C7: variants seen among roughly 807,000 people sequenced by gnomAD.
The protein encoded by C7 is complement component C7.
C7 carries 83 observed loss-of-function variants against 104.8 expected under a neutral mutation model. The ratio of observed to expected loss-of-function variants is 0.79; its 90% CI spans 0.66 to 0.95. C7 has a LOEUF of 0.95. Ranked by LOEUF, C7 falls within the 40% of genes least tolerant of loss-of-function variation. The pLI is 0.00. For synonymous variants in C7, 415 were observed against 360.6 expected (o/e 1.15, Z -1.71); for missense variants, 1,070 against 1,011.2 (o/e 1.06, Z -0.79).
Position 40,965,648 on chromosome 5 carries a change from A to ATATTTTT in C7, c.1882+776_1882+777insATTTTTT, listed in dbSNP as rs35802990. On this transcript the variant is annotated intron_variant, in intron 14 of 17. Transcript: ENST00000313164. ...TAGTGATATATATATATATATATAT[A>ATATTTTT]TTTTTTTTTTGGAGACAGAGTCTCA... Among the ~76,000 whole-genome samples the ATATTTTT allele has an allele frequency of 1.9e-3, 244 of 130,290 alleles. 1 individual carries two copies. Among genetic ancestry groups the ATATTTTT allele is most frequent in the East Asian group, 6.8e-3 (32 of 4,716 alleles). 85.5% of individuals were successfully genotyped at this position (130,290 alleles called of 152,430 possible).
intron 6 of C7, among the ~76,000 whole-genome samples, chr5:40,938,540 A>G (rs1468104086): frequency 2.0e-5 from 3 of 152,170 alleles, no homozygotes; most frequent in Admixed American, 2.0e-4. Flanking sequence ...TACACCTGGA[A>G]CTCAAATTGC....
rs1171414891 is a variant in C7 at position 40,982,188 on chromosome 5, GGCTGGA to G, written c.*618_*623del. Reference sequence around the variant, plus strand: ...AGACAGAGTCTCACTTTGTTGCCCAGGCTGGAGCGCAGTGGGGTGATCTCATCTCCC... The same window carrying G: ...AGACAGAGTCTCACTTTGTTGCCCAGGCGCAGTGGGGTGATCTCATCTCCC... On this transcript the variant is annotated 3_prime_UTR_variant, in exon 18 of 18. Coordinates refer to ENST00000313164, the MANE Select transcript of C7 (RefSeq NM_000587.4). The G allele has an allele frequency of 2.0e-5, 3 of 152,024 alleles. No homozygotes were observed. The highest frequency in any genetic ancestry group is 7.2e-5 in the African/African-American group (3 of 41,386). 9.4% of individuals were successfully genotyped at this position (152,024 alleles called of 1,614,324 possible).
chr5:40,971,307 G>T (rs1215690635), intron 14 of C7, among the ~76,000 whole-genome samples: 1 of 152,144 alleles, frequency 6.6e-6, no homozygotes, highest in East Asian at 1.9e-4. Flanking sequence ...ATCTCATTGT[G>T]GTTTTGATTT....
At chr5:40,963,792 G>C (rs924797198) in intron 13 of C7, among the ~76,000 whole-genome samples, 4 of 152,074 alleles carry the variant, frequency 2.6e-5, no homozygotes, top group Admixed American at 2.6e-4. Context: ...TGCCATTATA[G>C]GTTAGTGAAA....
At chr5:40,949,820 CA>C (rs1740128251) in intron 8 of C7, 83 bp from the exon 9 acceptor site, 5 of 832,342 alleles carry the variant, frequency 6.0e-6, no homozygotes, top group Non-Finnish European at 1.0e-5. Flanking sequence ...TAGCAGCAAA[CA>C]ACCTCTTATC....
At position 40,959,423 on chromosome 5, in the gene C7, T is replaced by C. The variant is rs757760669; in HGVS notation, c.1490-26T>C. 3 of 1,596,704 alleles carry C rather than the reference T, an allele frequency of 1.9e-6. No individual in the cohort carries two copies. The East Asian group carries it at 6.7e-5, about 36-fold the overall frequency. Reference sequence around the variant, plus strand: ...TCCCAAGCCCTCTTTAAGAACTTATTGATCAACCTCTTTCTCATCTTGTAG... The same window carrying C: ...TCCCAAGCCCTCTTTAAGAACTTATCGATCAACCTCTTTCTCATCTTGTAG... On this transcript the variant is annotated intron_variant, in intron 11 of 17. Transcript: ENST00000313164.
intron 9 of C7, among the ~76,000 whole-genome samples, chr5:40,950,354 C>T (rs2111638813): frequency 1.3e-5 from 2 of 152,258 alleles, no homozygotes; most frequent in Middle Eastern, 6.8e-3. Context: ...GCTTCCAGCT[C>T]CATCCATGTC....
chr5:40,949,815 G>A, intron 8 of C7, 89 bp from the exon 9 acceptor site: 1 of 794,024 alleles, frequency 1.3e-6, no homozygotes, highest in South Asian at 1.5e-5. Flanking sequence ...CATAGTAGCA[G>A]CAAACAACCT....
chr5:40,949,008 A>G (rs573455703), intron 8 of C7, among the ~76,000 whole-genome samples: 1 of 152,210 alleles, frequency 6.6e-6, no homozygotes, highest in East Asian at 1.9e-4. Context: ...GCACAAGTAC[A>G]GGTTTTTGTA....
At chr5:40,927,846 GTAGGAAT>G (rs752510037) in intron 1 of C7, among the ~76,000 whole-genome samples, 3 of 152,128 alleles carry the variant, frequency 2.0e-5, no homozygotes, top group Non-Finnish European at 2.9e-5. Context: ...TGTACACTTG[GTAGGAAT>G]GTAAATTAGT....
chr5:40,936,853 G>T (rs919559681), intron 5 of C7, among the ~76,000 whole-genome samples: 1 of 152,108 alleles, frequency 6.6e-6, no homozygotes, highest in African/African-American at 2.4e-5. Context: ...AGAGAATGAA[G>T]AGACAATAGA....
rs927326217 is a variant in C7 at position 40,964,263 on chromosome 5, G to A, written c.1750-478G>A. On this transcript the variant is annotated intron_variant, in intron 13 of 17. Coordinates refer to ENST00000313164, the MANE Select transcript of C7 (RefSeq NM_000587.4). ...TCACTATGTTGGCCAGGCTGGTCTCGAACTCCTGATCTCAGGTGATCCACC... is the reference window on the plus strand; with the variant it reads ...TCACTATGTTGGCCAGGCTGGTCTCAAACTCCTGATCTCAGGTGATCCACC... Among the ~76,000 whole-genome samples the A allele has an allele frequency of 1.3e-4, 19 of 151,560 alleles. No individual in the cohort carries two copies. The East Asian group carries it at 3.1e-3, about 25-fold the overall frequency.
In C7 at chr5:40,949,918, G is replaced by A. The variant is rs368388575; in HGVS notation, c.997G>A (p.Glu333Lys). The A allele has an allele frequency of 1.2e-4, 188 of 1,584,956 alleles. 2 individuals are homozygous for A. The South Asian group carries it at 1.3e-3, about 11-fold the overall frequency. The stretch of plus-strand genomic sequence containing the variant: ...TTCTCCCCTAGATTTTAATTCAGTC[G>A]AAGAAAAGAAATGTAAATCCTCAGG... ...KLKQNDFNSVEEKKCKSSGWH... is the reference protein window; with the variant it reads ...KLKQNDFNSVKEKKCKSSGWH... Residue 333 changes from glutamate to lysine, a missense_variant, in exon 9 of 18, where the codon GAA becomes AAA. Transcript: ENST00000313164.
rs1412705418 is a variant in C7, at chr5:40,945,283, C to T, written c.653C>T (p.Ser218Phe). Residue 218 changes from serine to phenylalanine, a missense_variant, in exon 7 of 18, where the codon TCT (serine) becomes TTT (phenylalanine). Coordinates refer to ENST00000313164, the MANE Select transcript of C7 (RefSeq NM_000587.4). ...CATACGTCGACAGAACACACATCAT[C>T]TAGTCGGAAGCGCTCCTTTTTTAGA... ...VKHTSTEHTSSSRKRSFFRSS... is the reference protein window; with the variant it reads ...VKHTSTEHTSFSRKRSFFRSS... 1 of 1,603,604 alleles carries T rather than the reference C, an allele frequency of 6.2e-7. No homozygotes were observed. Among genetic ancestry groups the T allele is most frequent in the South Asian group, 1.1e-5 (1 of 89,398 alleles).
chr5:40,978,506 G>A (rs1579880115), intron 16 of C7, among the ~76,000 whole-genome samples: 2 of 152,112 alleles, frequency 1.3e-5, no homozygotes, highest in East Asian at 3.8e-4. Flanking sequence ...CAACAAGGTG[G>A]TATTGTAAGG....
chr5:40,936,281 G>T, intron 4 of C7, 57 bp from the exon 5 acceptor site: 1 of 1,568,656 alleles, frequency 6.4e-7, no homozygotes, highest in South Asian at 1.1e-5. Context: ...TTGGTCCTGG[G>T]TAGTGTTTCT....
intron 15 of C7, among the ~76,000 whole-genome samples, chr5:40,974,107 T>G (rs1740761799): frequency 6.6e-6 from 1 of 151,898 alleles, no homozygotes; most frequent in Non-Finnish European, 1.5e-5. Flanking sequence ...TTTAAATGTA[T>G]GTTCAGTGGC....
chr5:40,915,786 C>T (rs1375531523), intron 1 of C7, among the ~76,000 whole-genome samples: 2 of 152,000 alleles, frequency 1.3e-5, no homozygotes, highest in African/African-American at 4.8e-5. Context: ...TTTTAGAACT[C>T]TAACAGCCAG....
chr5:40,916,357 C>T (rs1272017149), intron 1 of C7, among the ~76,000 whole-genome samples: 1 of 152,138 alleles, frequency 6.6e-6, no homozygotes, highest in African/African-American at 2.4e-5. Flanking sequence ...AAACGGACCA[C>T]CCACAGTACT....
Sources: allele counts gnomAD v4.1 joint callset (sites outside exome capture counted in the v4.1 genomes callset), GRCh38; gene constraint gnomAD v4.1.1; transcripts MANE v1.5; gene names NCBI Gene and HGNC (gene_info 2026-07-23, HGNC 2026-07-21).